RERE: variants seen among roughly 807,000 people sequenced by gnomAD.
RERE encodes arginine-glutamic acid dipeptide repeats protein.
RERE carries 40 observed loss-of-function variants against 146.1 expected under a neutral mutation model. The ratio of observed to expected loss-of-function variants is 0.27; its 90% CI spans 0.21 to 0.36. RERE has a LOEUF of 0.36. Ranked by LOEUF, RERE falls within the 10% of genes least tolerant of loss-of-function variation. The pLI, the probability that RERE is intolerant of heterozygous loss-of-function variation, is 1.00. For missense variants in RERE, 1,933 were observed against 2,138.7 expected, an observed-to-expected ratio of 0.90 and a Z score of 1.90; for synonymous variants, 1,003 against 866.0, an observed-to-expected ratio of 1.16 and a Z score of -2.78.
intron 4 of RERE, among the ~76,000 whole-genome samples, chr1:8,610,189 C>G (rs1268754772): frequency 6.6e-6 from 1 of 152,200 alleles, no homozygotes; most frequent in Non-Finnish European, 1.5e-5. Context: ...AAGTAAAGAT[C>G]CTCTTTCCAG....
intron 11 of RERE, among the ~76,000 whole-genome samples, chr1:8,455,473 A>C (rs1466434408): frequency 6.6e-6 from 1 of 152,160 alleles, no homozygotes; most frequent in Non-Finnish European, 1.5e-5. Context: ...AGTACACATC[A>C]GGTGATGTTG....
intron 1 of RERE, among the ~76,000 whole-genome samples, chr1:8,805,163 C>A (rs549687871): frequency 6.6e-6 from 1 of 151,532 alleles, no homozygotes; most frequent in Non-Finnish European, 1.5e-5. Context: ...CGCCACCATA[C>A]CCAGCTATTA....
rs1415932195 is a variant in RERE, at chr1:8,354,515, T to C, written c.*572A>G. ...GAAAAAATAGATCACAATAGTAGTT[T>C]ATGGAAGAAAAAAAGGCTGTTCTAA... is the stretch of plus-strand genomic sequence containing the variant. On this transcript the variant is annotated 3_prime_UTR_variant, in exon 23 of 23. Coordinates refer to ENST00000400908, the MANE Select transcript of RERE (RefSeq NM_001042681.2). 2 of 152,218 alleles carry C rather than the reference T, an allele frequency of 1.3e-5. No homozygotes were observed. The highest frequency in any genetic ancestry group is 2.4e-5 in the African/African-American group (1 of 41,444). The allele number at this position is 152,218 out of a possible 1,614,324, so 9.4% of individuals were successfully genotyped here.
Position 8,786,673 on chromosome 1 carries a change from A to C in RERE, c.-145+30487T>G, listed in dbSNP as rs1292629951. On this transcript the variant is annotated intron_variant, in intron 1 of 22. Transcript: ENST00000400908. ...ACCTCTGGTCCTGATGACAAAGGCC[A>C]ATTTGGGTTCTGCAGGTACACAGAA... 51 of 785,434 alleles carry C rather than the reference A, an allele frequency of 6.5e-5. No individual in the cohort carries two copies. In the East Asian group the frequency reaches 1.2e-3, roughly 18 times the overall value. 48.7% of individuals were successfully genotyped at this position (785,434 alleles called of 1,614,324 possible).
chr1:8,436,476 T>C (rs1452510528), intron 11 of RERE, among the ~76,000 whole-genome samples: 3 of 152,214 alleles, frequency 2.0e-5, no homozygotes, highest in Non-Finnish European at 2.9e-5. Flanking sequence ...AATGTTCACC[T>C]TTCCTTGGCA....
intron 1 of RERE, among the ~76,000 whole-genome samples, chr1:8,726,147 C>CTTTTCTTTTTTTTTTTTTTTTTT (rs1639960710): frequency 8.6e-5 from 6 of 69,410 alleles, no homozygotes; most frequent in African/African-American, 3.9e-4. Flanking sequence ...TTTTTCTTTT[C>CTTTTCTTTTTTTTTTTTTTTTTT]TTTTTTTTTT....
intron 2 of RERE, among the ~76,000 whole-genome samples, chr1:8,636,979 C>A (rs572811274): frequency 7.2e-5 from 11 of 152,098 alleles, no homozygotes; most frequent in African/African-American, 2.4e-4. Flanking sequence ...ATTTTTAAAT[C>A]GGCAAAATAT....
At chr1:8,486,696 C>G (rs1644903179) in intron 10 of RERE, among the ~76,000 whole-genome samples, 1 of 140,592 alleles carries the variant, frequency 7.1e-6, no homozygotes, top group Non-Finnish European at 1.5e-5. Context: ...AATGTTGAAA[C>G]GTCTTTATAT....
intron 4 of RERE, among the ~76,000 whole-genome samples, chr1:8,560,399 T>A (rs535563081): frequency 6.6e-6 from 1 of 152,186 alleles, no homozygotes; most frequent in Admixed American, 6.5e-5. Context: ...GGTCTAGTAA[T>A]TCATTTTGTT....
At chr1:8,501,866 G>A (rs1645165181) in intron 8 of RERE, among the ~76,000 whole-genome samples, 1 of 109,582 alleles carries the variant, frequency 9.1e-6, no homozygotes, top group Non-Finnish European at 1.9e-5. Flanking sequence ...CCGGCCAGCC[G>A]CCCCGTCCGG....
intron 2 of RERE, among the ~76,000 whole-genome samples, chr1:8,626,482 A>G (rs1349088966): frequency 1.3e-5 from 2 of 152,188 alleles, no homozygotes; most frequent in Non-Finnish European, 2.9e-5. Context: ...TTGATCAAAA[A>G]CTGCCTAAAT....
chr1:8,585,313 T>C (rs1368013888), intron 4 of RERE, among the ~76,000 whole-genome samples: 2 of 152,162 alleles, frequency 1.3e-5, no homozygotes, highest in African/African-American at 2.4e-5. Flanking sequence ...GTTGTATCAG[T>C]ATAAATTGTA....
intron 1 of RERE, among the ~76,000 whole-genome samples, chr1:8,802,303 A>G (rs1465510307): frequency 1.3e-5 from 2 of 152,222 alleles, no homozygotes; most frequent in African/African-American, 4.8e-5. Flanking sequence ...TACCCGCTAC[A>G]GCTTCAAATA....
At chr1:8,718,138 T>C (rs1195654388) in intron 1 of RERE, among the ~76,000 whole-genome samples, 3 of 152,242 alleles carry the variant, frequency 2.0e-5, no homozygotes, top group Non-Finnish European at 4.4e-5. Context: ...TCCATTTCTT[T>C]ACTAAAGCAG....
At chr1:8,533,379 G>A (rs757046063) in intron 7 of RERE, among the ~76,000 whole-genome samples, 3 of 152,256 alleles carry the variant, frequency 2.0e-5, no homozygotes, top group Non-Finnish European at 4.4e-5. Flanking sequence ...GGTGTGTCTT[G>A]CTGTTTGTCT....
At chr1:8,357,518 G>A (rs1641343622) in intron 20 of RERE, among the ~76,000 whole-genome samples, 1 of 152,182 alleles carries the variant, frequency 6.6e-6, no homozygotes, top group Non-Finnish European at 1.5e-5. Context: ...CACAGGACCT[G>A]TACTCCAAGT....
chr1:8,689,489 G>A (rs914384322), intron 1 of RERE, among the ~76,000 whole-genome samples: 1 of 152,102 alleles, frequency 6.6e-6, no homozygotes, highest in African/African-American at 2.4e-5. Flanking sequence ...ACTAATTCAG[G>A]TAATATCACA....
chr1:8,686,734 G>A (rs2124408578), intron 1 of RERE, among the ~76,000 whole-genome samples: 2 of 152,130 alleles, frequency 1.3e-5, no homozygotes, highest in Middle Eastern at 3.4e-3. Flanking sequence ...TAGGCGACAA[G>A]AGCGAAACTC....
intron 7 of RERE, chr1:8,525,786 A>G: frequency 6.3e-7 from 1 of 1,599,308 alleles, no homozygotes; most frequent in Non-Finnish European, 8.5e-7. Flanking sequence ...ATCATCCATG[A>G]CTAACACGGG....
Sources: gnomAD v4.1 joint callset for allele counts (sites outside exome capture counted in the v4.1 genomes callset) on GRCh38, gnomAD v4.1.1 for gene constraint, MANE v1.5 for transcripts, NCBI Gene and HGNC (gene_info 2026-07-23, HGNC 2026-07-21) for gene names.